The following GALNT18 variants were observed in gnomAD, a reference collection of about 807,000 sequenced individuals.
The protein encoded by GALNT18 is GalNAc-transferase 18.
Under a neutral mutation model 69.5 loss-of-function variants are expected in GALNT18, and 44 were observed. The observed-to-expected ratio is 0.63, with a 90% CI of 0.50 to 0.81. The LOEUF is 0.81. Among genes scored for constraint, GALNT18 ranks in the 40% least tolerant of loss-of-function variants. The pLI, the probability that GALNT18 is intolerant of heterozygous loss-of-function variation, is 0.00. For synonymous variants in GALNT18, 364 were observed against 318.2 expected, an observed-to-expected ratio of 1.14 and a Z score of -1.53; for missense variants, 715 against 810.0, an observed-to-expected ratio of 0.88 and a Z score of 1.42.
chr11:11,407,995 C>T (rs954280025), intron 3 of GALNT18, among the ~76,000 whole-genome samples: 11 of 152,170 alleles, frequency 7.2e-5, no homozygotes, highest in Non-Finnish European at 1.6e-4. Flanking sequence ...GTAGCCCTCT[C>T]CCTGAGGAGT....
chr11:11,400,956 G>C (rs539914192), intron 3 of GALNT18, among the ~76,000 whole-genome samples: 6 of 152,166 alleles, frequency 3.9e-5, no homozygotes, highest in Non-Finnish European at 8.8e-5. Flanking sequence ...CTAGTGCCAG[G>C]AGCGGGGCTA....
intron 1 of GALNT18, among the ~76,000 whole-genome samples, chr11:11,464,479 A>C (rs1000580965): frequency 6.6e-6 from 1 of 152,214 alleles, no homozygotes; most frequent in African/African-American, 2.4e-5. Context: ...GGAAGGAGGC[A>C]TGGGCCCAGA....
chr11:11,510,482 G>A (rs932066743), intron 1 of GALNT18, among the ~76,000 whole-genome samples: 2 of 104,732 alleles, frequency 1.9e-5, no homozygotes, highest in East Asian at 2.1e-4. Flanking sequence ...TCCAGGCCTT[G>A]TACCAGGCAC....
At position 11,436,318 on chromosome 11, in the gene GALNT18, C is replaced by G. The variant is rs969725574; in HGVS notation, c.429-3531G>C. Among the ~76,000 whole-genome samples the G allele has an allele frequency of 6.6e-6, 1 of 152,186 alleles. No individual in the cohort carries two copies. The highest frequency in any genetic ancestry group is 2.4e-5 in the African/African-American group (1 of 41,452). On this transcript the variant is annotated intron_variant, in intron 2 of 10. Transcript: ENST00000227756. This position sits in a 1 kb window ranked among gnomAD's most constrained non-coding sequence, Gnocchi z 4.5. ...ACAAGATTGAGGCTCTTCTATCTTA[C>G]GTTTTCCAACTTCCCCTCCCTCCCA...
At chr11:11,475,433 C>CTCATT (rs1856369585) in intron 1 of GALNT18, 2 of 152,166 alleles carry the variant, frequency 1.3e-5, no homozygotes, top group Admixed American at 6.5e-5. Flanking sequence ...ATTAAAACAG[C>CTCATT]AGGGTGAGAA....
intron 3 of GALNT18, among the ~76,000 whole-genome samples, chr11:11,399,965 A>G (rs1339236040): frequency 2.0e-5 from 3 of 152,234 alleles, no homozygotes; most frequent in Admixed American, 2.0e-4. Context: ...AAACATTTTT[A>G]TCTTCAAAAA....
chr11:11,604,409 C>T lies in GALNT18; in HGVS notation c.235+16950G>A, dbSNP rs1859698985. Among the ~76,000 whole-genome samples the T allele has an allele frequency of 6.6e-6, 1 of 152,210 alleles. No individual in the cohort carries two copies. The highest frequency in any genetic ancestry group is 1.5e-5 in the Non-Finnish European group (1 of 68,040). On this transcript the variant is annotated intron_variant, in intron 1 of 10. Transcript: ENST00000227756. The surrounding 1 kb of genome is among the most constrained non-coding windows in gnomAD (Gnocchi z 5.6). ...GGCTCACTATTCAGGTAGCCCATTC[C>T]TGATCCCACACTGCTGGAGAGTGGG...
Position 11,459,557 on chromosome 11 carries a change from C to T in GALNT18, c.236-10621G>A, listed in dbSNP as rs1208384960. On this transcript the variant is annotated intron_variant, in intron 1 of 10. Transcript: ENST00000227756. The surrounding 1 kb of genome is among the most constrained non-coding windows in gnomAD (Gnocchi z 5.0). Reference sequence around the variant, plus strand: ...AGTGCAGACTCCATTAGGGGCTGAGCCCACCAGACTGAGGAGCTCTGGAGG... The same window carrying T: ...AGTGCAGACTCCATTAGGGGCTGAGTCCACCAGACTGAGGAGCTCTGGAGG... Among the ~76,000 whole-genome samples the T allele has an allele frequency of 6.6e-6, 1 of 152,156 alleles. No individual in the cohort carries two copies. Among genetic ancestry groups the T allele is most frequent in the Admixed American group, 6.5e-5 (1 of 15,274 alleles).
At chr11:11,293,712 T>C (rs1408660094) in intron 9 of GALNT18, among the ~76,000 whole-genome samples, 1 of 152,008 alleles carries the variant, frequency 6.6e-6, no homozygotes, top group Non-Finnish European at 1.5e-5. Context: ...CGGCTAATTT[T>C]TGTATTTTTA....
chr11:11,541,971 G>A lies in GALNT18; in HGVS notation c.235+79388C>T, dbSNP rs1590084937. ...CTATAGACACGAGCCAAACCCAGGA[G>A]GAGCTTCACCCCCACCCTTCAGAAG... On this transcript the variant is annotated intron_variant, in intron 1 of 10. Transcript: ENST00000227756. The surrounding 1 kb of genome is among the most constrained non-coding windows in gnomAD (Gnocchi z 4.8). 6.6e-6 allele frequency among the ~76,000 whole-genome samples: 1 copy of A among 152,092 alleles called. No homozygotes were observed. The highest frequency in any genetic ancestry group is 2.4e-5 in the African/African-American group (1 of 41,400).
intron 1 of GALNT18, among the ~76,000 whole-genome samples, chr11:11,509,096 C>T (rs964135953): frequency 3.9e-5 from 6 of 152,098 alleles, no homozygotes; most frequent in Non-Finnish European, 8.8e-5. Context: ...TTTCCCTTGC[C>T]CATTCTGAAT....
At position 11,459,994 on chromosome 11, in the gene GALNT18, C is replaced by T. The variant is rs1041746086; in HGVS notation, c.236-11058G>A. ...TTCCTTGGCTTATGGCCTCTTCCTCCGTCTTCAAAGCCCACCACAGTGGGT... is the reference window on the plus strand; with the variant it reads ...TTCCTTGGCTTATGGCCTCTTCCTCTGTCTTCAAAGCCCACCACAGTGGGT... On this transcript the variant is annotated intron_variant, in intron 1 of 10. Transcript: ENST00000227756. This position sits in a 1 kb window ranked among gnomAD's most constrained non-coding sequence, Gnocchi z 5.0. Among the ~76,000 whole-genome samples, 20 of 152,136 alleles carry T rather than the reference C, an allele frequency of 1.3e-4. No individual in the cohort carries two copies. Among genetic ancestry groups the T allele is most frequent in the African/African-American group, 4.1e-4 (17 of 41,430 alleles).
At chr11:11,288,173 T>TC (rs1165713407) in intron 10 of GALNT18, among the ~76,000 whole-genome samples, 1 of 152,152 alleles carries the variant, frequency 6.6e-6, no homozygotes, top group East Asian at 1.9e-4. Context: ...TAATGTGAAG[T>TC]CTACCTCCTT....
intron 6 of GALNT18, among the ~76,000 whole-genome samples, chr11:11,345,885 G>A (rs1160998202): frequency 1.3e-5 from 2 of 152,286 alleles, no homozygotes; most frequent in Admixed American, 6.5e-5. Context: ...ACATACGATG[G>A]TGAGGGCATG....
chr11:11,293,490 A>C (rs1272313577), intron 9 of GALNT18, among the ~76,000 whole-genome samples: 2 of 150,710 alleles, frequency 1.3e-5, no homozygotes, highest in Non-Finnish European at 2.9e-5. Flanking sequence ...AACATTGGTC[A>C]TAACCTTTTA....
intron 10 of GALNT18, among the ~76,000 whole-genome samples, chr11:11,289,565 A>G (rs2132999522): frequency 6.6e-6 from 1 of 152,338 alleles, no homozygotes; most frequent in South Asian, 2.1e-4. Flanking sequence ...AAGGATGCCC[A>G]TTTTACAACA....
chr11:11,495,301 G>A lies in GALNT18; in HGVS notation c.236-46365C>T, dbSNP rs984217571. On this transcript the variant is annotated intron_variant, in intron 1 of 10. Transcript: ENST00000227756. ...AACAAAGCTAAACATGTTTCTTTCC[G>A]AAGGTACTTCTCAGAGCCTTCACTA... Among the ~76,000 whole-genome samples, 6 of 152,246 alleles carry A rather than the reference G, an allele frequency of 3.9e-5. 1 individual carries two copies. In the Middle Eastern group the frequency reaches 0.01, roughly 259 times the overall value.
At chr11:11,358,634 A>C (rs1256509683) in intron 6 of GALNT18, among the ~76,000 whole-genome samples, 1 of 140,228 alleles carries the variant, frequency 7.1e-6, no homozygotes, top group Non-Finnish European at 1.6e-5. Context: ...GCAAGCTTGA[A>C]ATCTGTTTGG....
At chr11:11,324,405 G>A (rs995453226) in intron 9 of GALNT18, among the ~76,000 whole-genome samples, 2 of 152,186 alleles carry the variant, frequency 1.3e-5, no homozygotes, top group African/African-American at 4.8e-5. Context: ...TAGTCCAAGT[G>A]TCCATCAGCA....
Sources: gnomAD v4.1 joint callset for allele counts (sites outside exome capture counted in the v4.1 genomes callset) on GRCh38, gnomAD v4.1.1 for gene constraint, Gnocchi (gnomAD v3.1) non-coding constraint, MANE v1.5 for transcripts, NCBI Gene and HGNC (gene_info 2026-07-23, HGNC 2026-07-21) for gene names.